The following RTL4 variants were observed in gnomAD, a reference collection of about 807,000 sequenced individuals.
The protein encoded by RTL4 is retrotransposon Gag like 4.
RTL4 carries 4 observed loss-of-function variants against 5.3 expected under a neutral mutation model. The observed-to-expected ratio is 0.75, with a 90% CI of 0.37 to 1.72. The LOEUF (loss-of-function observed/expected upper bound fraction) is 1.72. RTL4 is among the 40% of genes most tolerant of loss of function. The pLI is 0.04. For synonymous variants in RTL4, 98 were observed against 87.3 expected (o/e 1.12, Z -0.68); for missense variants, 260 against 227.1 (o/e 1.14, Z -0.93).
the RTL4 span, among the ~76,000 whole-genome samples, chrX:112,275,575 G>T: frequency 8.9e-6 from 1 of 111,733 alleles, no homozygotes; most frequent in African/African-American, 3.3e-5. Context: ...CTGGTAAAAT[G>T]AGGAGAAAAC....
the RTL4 span, among the ~76,000 whole-genome samples, chrX:112,329,814 A>G: frequency 3.6e-5 from 4 of 111,510 alleles, no homozygotes; most frequent in Non-Finnish European, 5.6e-5. Flanking sequence ...ATCCACCAAG[A>G]TCAAGGTGGC....
the RTL4 span, among the ~76,000 whole-genome samples, chrX:112,367,220 A>G: frequency 6.3e-5 from 7 of 111,655 alleles, no homozygotes; most frequent in Admixed American, 6.7e-4. Flanking sequence ...AAATAGAAAG[A>G]GAACAGAGCA....
chrX:112,196,869 A>G, the RTL4 span, among the ~76,000 whole-genome samples: 42 of 110,828 alleles, frequency 3.8e-4, no homozygotes, highest in African/African-American at 1.2e-3. Flanking sequence ...AAATTTCTTC[A>G]TATACTTTAG....
the RTL4 span, among the ~76,000 whole-genome samples, chrX:112,246,498 G>T: frequency 9.8e-5 from 11 of 112,134 alleles, no homozygotes; most frequent in African/African-American, 3.6e-4. Context: ...AGTGAGTAAG[G>T]CTCTGTGGGT....
the RTL4 span, among the ~76,000 whole-genome samples, chrX:112,379,268 G>A: frequency 2.1e-4 from 24 of 111,764 alleles, no homozygotes; most frequent in African/African-American, 7.2e-4. Flanking sequence ...CCAGAATGTA[G>A]TATACACTCT....
At chrX:112,139,304 C>T in the RTL4 span, among the ~76,000 whole-genome samples, 1 of 111,350 alleles carries the variant, frequency 9.0e-6, no homozygotes, top group Non-Finnish European at 1.9e-5. Flanking sequence ...TTTCTGTTTC[C>T]ATACTCCATT....
chrX:112,268,532 T>C, the RTL4 span, among the ~76,000 whole-genome samples: 2 of 111,885 alleles, frequency 1.8e-5, no homozygotes, highest in African/African-American at 6.5e-5. Flanking sequence ...TCCACATTTC[T>C]AGCTAGCTAC....
At chrX:112,431,192 G>A in the RTL4 span, among the ~76,000 whole-genome samples, 1 of 110,404 alleles carries the variant, frequency 9.1e-6, no homozygotes, top group Non-Finnish European at 1.9e-5. Flanking sequence ...GGCTGGATTT[G>A]CATATTTCCT....
At chrX:112,211,797 T>A in the RTL4 span, among the ~76,000 whole-genome samples, 2 of 112,443 alleles carry the variant, frequency 1.8e-5, no homozygotes, top group Non-Finnish European at 3.8e-5. Flanking sequence ...CTAGACACGT[T>A]GATAGAATGT....
the RTL4 span, among the ~76,000 whole-genome samples, chrX:112,253,685 C>T: frequency 2.7e-5 from 3 of 112,055 alleles, no homozygotes; most frequent in East Asian, 2.8e-4. Context: ...TAACTCTTAA[C>T]GAAGACTCTC....
At chrX:112,441,270 C>T in the RTL4 span, among the ~76,000 whole-genome samples, 265 of 110,811 alleles carry the variant, frequency 2.4e-3, no homozygotes, top group African/African-American at 8.3e-3. Flanking sequence ...AATATGCTAC[C>T]TTGCAGCTTC....
chrX:112,400,151 A>T, the RTL4 span, among the ~76,000 whole-genome samples: 1 of 111,350 alleles, frequency 9.0e-6, no homozygotes, highest in African/African-American at 3.3e-5. Flanking sequence ...TTTGGAAATT[A>T]TTTCTTCAAA....
chrX:112,182,676 C>T, the RTL4 span, among the ~76,000 whole-genome samples: 1 of 111,958 alleles, frequency 8.9e-6, no homozygotes, highest in African/African-American at 3.3e-5. Flanking sequence ...TGTGAAAAGA[C>T]CAAACCTACA....
chrX:112,214,248 AGT>A, the RTL4 span, among the ~76,000 whole-genome samples: 1 of 111,404 alleles, frequency 9.0e-6, no homozygotes, highest in East Asian at 2.8e-4. Context: ...TCCTCTTATA[AGT>A]GGTGTCATGT....
the RTL4 span, among the ~76,000 whole-genome samples, chrX:112,406,100 G>T: frequency 9.0e-6 from 1 of 111,416 alleles, no homozygotes; most frequent in East Asian, 2.8e-4. Flanking sequence ...ACTTGCCACC[G>T]TGAGCCAAAG....
chrX:112,246,760 G>T, the RTL4 span, among the ~76,000 whole-genome samples: 1 of 111,319 alleles, frequency 9.0e-6, no homozygotes, highest in East Asian at 2.9e-4. Context: ...GATGAACCAG[G>T]TACCTCAGCT....
the RTL4 span, among the ~76,000 whole-genome samples, chrX:112,106,144 G>C: frequency 8.9e-6 from 1 of 111,913 alleles, no homozygotes; most frequent in Non-Finnish European, 1.9e-5. Context: ...TATATGGTTT[G>C]GTCATTCAGT....
chrX:112,190,575 C>T, the RTL4 span, among the ~76,000 whole-genome samples: 958 of 112,031 alleles, frequency 8.6e-3, 12 homozygotes, highest in African/African-American at 0.029. Flanking sequence ...GAGATTCATT[C>T]TTATAGTATT....
the RTL4 span, among the ~76,000 whole-genome samples, chrX:112,122,563 AT>A: frequency 9.0e-6 from 1 of 110,912 alleles, no homozygotes; most frequent in African/African-American, 3.3e-5. Flanking sequence ...ATAGTAAAAA[AT>A]ACTTGTACAT....
Sources: gnomAD v4.1 joint callset for allele counts (sites outside exome capture counted in the v4.1 genomes callset) on GRCh38, gnomAD v4.1.1 for gene constraint, MANE v1.5 for transcripts, NCBI Gene and HGNC (gene_info 2026-07-23, HGNC 2026-07-21) for gene names.